The following RBFOX1 variants were observed in gnomAD, a reference collection of about 807,000 sequenced individuals.
RBFOX1 encodes RNA binding protein fox-1 homolog 1.
RBFOX1 carries 8 observed loss-of-function variants against 57.7 expected under a neutral mutation model. The observed-to-expected ratio is 0.14, with a 90% confidence interval of 0.08 to 0.25. The LOEUF (loss-of-function observed/expected upper bound fraction) is 0.25, where lower values mean the gene tolerates loss of function less well. Among genes scored for constraint, RBFOX1 ranks in the 10% least tolerant of loss-of-function variants. The pLI, the probability that RBFOX1 is intolerant of heterozygous loss-of-function variation, is 1.00. For missense variants in RBFOX1, 611 were observed against 548.5 expected, an observed-to-expected ratio of 1.11 and a Z score of -1.14; for synonymous variants, 326 against 222.4, an observed-to-expected ratio of 1.47 and a Z score of -4.15.
chr16:5,840,547 C>G (rs1054351605), intron 3 of RBFOX1, among the ~76,000 whole-genome samples: 22 of 152,164 alleles, frequency 1.4e-4, no homozygotes, highest in African/African-American at 5.3e-4. Context: ...CCATCATGAT[C>G]TTTACATAAA....
chr16:7,198,252 G>T (rs1179627209), intron 4 of RBFOX1, among the ~76,000 whole-genome samples: 1 of 152,044 alleles, frequency 6.6e-6, no homozygotes, highest in Non-Finnish European at 1.5e-5. Context: ...TGATCTGCCT[G>T]CCTTGGACTC....
intron 4 of RBFOX1, among the ~76,000 whole-genome samples, chr16:7,131,403 G>C (rs186103621): frequency 3.0e-5 from 4 of 133,128 alleles, no homozygotes; most frequent in Non-Finnish European, 4.6e-5. Context: ...TGCTTAGTCA[G>C]TGCCTACTTA....
At chr16:5,856,187 C>CTCTCTCTCTCTCTCTATA (rs1430331422) in intron 3 of RBFOX1, among the ~76,000 whole-genome samples, 3 of 31,068 alleles carry the variant, frequency 9.7e-5, no homozygotes, top group African/African-American at 4.2e-4. Context: ...CTCTCTCTCT[C>CTCTCTCTCTCTCTCTATA]TATATATATA....
intron 1 of RBFOX1, among the ~76,000 whole-genome samples, chr16:5,290,539 C>T (rs1486078772): frequency 2.0e-5 from 3 of 152,012 alleles, no homozygotes; most frequent in Admixed American, 2.0e-4. Context: ...CATACGGTAC[C>T]TGAATTATAT....
chr16:7,605,610 G>T (rs992999171), intron 9 of RBFOX1, among the ~76,000 whole-genome samples: 6 of 152,156 alleles, frequency 3.9e-5, no homozygotes, highest in Non-Finnish European at 8.8e-5. Context: ...GTTTTCCTTA[G>T]TGGATGTTAA....
intron 1 of RBFOX1, among the ~76,000 whole-genome samples, chr16:6,100,409 G>T (rs1157648546): frequency 6.6e-6 from 1 of 152,126 alleles, no homozygotes; most frequent in Non-Finnish European, 1.5e-5. Context: ...TGATCCGCCC[G>T]CCGCGGCCTC....
intron 3 of RBFOX1, among the ~76,000 whole-genome samples, chr16:5,828,478 T>C (rs1046399861): frequency 6.6e-6 from 1 of 152,086 alleles, no homozygotes; most frequent in Admixed American, 6.6e-5. Context: ...GGTGGGCGGA[T>C]CGCGAGGTCA....
intron 2 of RBFOX1, among the ~76,000 whole-genome samples, chr16:6,555,310 A>T (rs929981188): frequency 1.8e-4 from 27 of 152,170 alleles, no homozygotes; most frequent in Non-Finnish European, 7.3e-5. Flanking sequence ...AATAGTTATA[A>T]AACCCATCAT....
chr16:6,633,058 G>A (rs2098402992), intron 2 of RBFOX1, among the ~76,000 whole-genome samples: 1 of 152,140 alleles, frequency 6.6e-6, no homozygotes, highest in African/African-American at 2.4e-5. Flanking sequence ...GAGTTGAGCT[G>A]GCTTCTTCCT....
chr16:5,320,604 G>A (rs936350765), intron 1 of RBFOX1, among the ~76,000 whole-genome samples: 3 of 152,240 alleles, frequency 2.0e-5, no homozygotes, highest in African/African-American at 7.2e-5. Context: ...TCAGAGAGAA[G>A]TTCTCCTAAC....
chr16:6,817,446 C>T (rs143885258), intron 3 of RBFOX1, among the ~76,000 whole-genome samples: 6 of 150,278 alleles, frequency 4.0e-5, no homozygotes, highest in South Asian at 2.1e-4. Flanking sequence ...GTAATCCCAA[C>T]GCTTTGTGAG....
At chr16:5,461,073 C>A (rs1208101423) in intron 1 of RBFOX1, among the ~76,000 whole-genome samples, 1 of 152,124 alleles carries the variant, frequency 6.6e-6, no homozygotes, top group Non-Finnish European at 1.5e-5. Context: ...TTCCAAGGGG[C>A]TCCTGCAGTT....
intron 3 of RBFOX1, among the ~76,000 whole-genome samples, chr16:6,719,584 G>A (rs2065533728): frequency 1.3e-5 from 2 of 151,584 alleles, no homozygotes; most frequent in South Asian, 2.1e-4. Flanking sequence ...GGGACTACAG[G>A]TGCCCATCAC....
intron 3 of RBFOX1, among the ~76,000 whole-genome samples, chr16:5,780,748 T>C (rs535024476): frequency 6.6e-6 from 1 of 152,324 alleles, no homozygotes; most frequent in East Asian, 1.9e-4. Flanking sequence ...GAGTACAAGA[T>C]GTACAGGCAG....
chr16:7,097,409 C>T (rs1250875335), intron 4 of RBFOX1, among the ~76,000 whole-genome samples: 2 of 152,130 alleles, frequency 1.3e-5, no homozygotes, highest in African/African-American at 2.4e-5. Context: ...CAAAGATCCC[C>T]ATCTCCCATG....
chr16:6,341,425 A>C (rs926553069), intron 2 of RBFOX1, among the ~76,000 whole-genome samples: 1 of 152,194 alleles, frequency 6.6e-6, no homozygotes, highest in Non-Finnish European at 1.5e-5. Context: ...ATTCATAGGA[A>C]GTTAGGGATT....
intron 4 of RBFOX1, among the ~76,000 whole-genome samples, chr16:7,223,712 GAAAAA>G (rs71147673): frequency 3.0e-4 from 39 of 130,482 alleles, no homozygotes; most frequent in African/African-American, 8.7e-4. Context: ...CAGTGTTTCA[GAAAAA>G]AAAAAAAAAA....
At chr16:6,946,997 C>T (rs1257624676) in intron 3 of RBFOX1, among the ~76,000 whole-genome samples, 3 of 152,102 alleles carry the variant, frequency 2.0e-5, no homozygotes, top group Non-Finnish European at 4.4e-5. Context: ...GTTTCCTAGC[C>T]CTGTTGGGTT....
chr16:7,682,379 G>A (rs1247143339), intron 14 of RBFOX1, among the ~76,000 whole-genome samples: 1 of 152,002 alleles, frequency 6.6e-6, no homozygotes, highest in African/African-American at 2.4e-5. Context: ...GAAGGGATGG[G>A]AGAGTTTTCC....
Sources: gnomAD v4.1 joint callset for allele counts (sites outside exome capture counted in the v4.1 genomes callset) on GRCh38, gnomAD v4.1.1 for gene constraint, MANE v1.5 for transcripts, NCBI Gene and HGNC (gene_info 2026-07-23, HGNC 2026-07-21) for gene names.